The following STARD6 variants were observed in gnomAD, a reference collection of about 807,000 sequenced individuals.
STARD6 encodes StAR related lipid transfer domain containing 6.
A neutral mutation model predicts 22.3 loss-of-function variants in STARD6; 21 were observed. The observed-to-expected ratio is 0.94, with a 90% CI of 0.67 to 1.35. The LOEUF is 1.35. STARD6 is among the 40% of genes most tolerant of loss of function. STARD6 has a pLI of 0.00. For missense variants in STARD6, 269 were observed against 266.9 expected (o/e 1.01, Z -0.05); for synonymous variants, 80 against 88.1 (o/e 0.91, Z 0.52).
rs55736082 is a variant in STARD6, at chr18:54,344,583, TAAAAA to T, written c.141-7337_141-7333del. On this transcript the variant is annotated intron_variant, in intron 4 of 7. Transcript: ENST00000307844. ...AAGAATTATCAATAAAAAAATAAAT[TAAAAA>T]AAAAAAAAAAAAAGAAAATAAAACT... is the stretch of plus-strand genomic sequence containing the variant. 1.6e-4 allele frequency among the ~76,000 whole-genome samples: 15 copies of T among 94,094 alleles called. 1 individual carries two copies. Among genetic ancestry groups the T allele is most frequent in the Non-Finnish European group, 2.9e-4 (14 of 47,782 alleles). 61.7% of individuals were successfully genotyped at this position (94,094 alleles called of 152,430 possible).
chr18:54,336,517 G>C (rs978136125), intron 5 of STARD6, among the ~76,000 whole-genome samples: 3 of 152,144 alleles, frequency 2.0e-5, no homozygotes, highest in African/African-American at 7.2e-5. Context: ...AAATTACCCA[G>C]TCTTGGGTAT....
intron 4 of STARD6, 82 bp downstream of exon 4, chr18:54,353,972 C>G: frequency 1.3e-6 from 1 of 766,454 alleles, no homozygotes; most frequent in African/African-American, 1.8e-5. Context: ...TTTATTATAG[C>G]TAATGAAGCA....
At chr18:54,333,372 C>CTGCAGTGAGCTTGCCAT (rs1399445629) in intron 5 of STARD6, among the ~76,000 whole-genome samples, 1 of 152,170 alleles carries the variant, frequency 6.6e-6, no homozygotes, top group South Asian at 2.1e-4. Flanking sequence ...TGGCGTGAAC[C>CTGCAGTGAGCTTGCCAT]TGGGAGGCGG....
At position 54,354,525 on chromosome 18, in the gene STARD6, A is replaced by G; in HGVS notation, c.49T>C (p.Tyr17His). 6.2e-7 allele frequency: 1 copy of G among 1,613,432 alleles called. No individual in the cohort carries two copies. Among genetic ancestry groups the G allele is most frequent in the Non-Finnish European group, 8.5e-7 (1 of 1,179,658 alleles). Residue 17 changes from tyrosine to histidine, a missense_variant, in exon 3 of 8, where the codon TAT (tyrosine) becomes CAT (histidine). Tyr to His is a moderately conservative substitution (Grantham distance 83). Coordinates refer to ENST00000307844, the MANE Select transcript of STARD6 (RefSeq NM_139171.2). ...AQQTAQEVLG[Y>H]NRDTSGWKVV... ...TTCCAGCCTGATGTATCTCGATTAT[A>G]ACCTAAAACTTCTTGGGCAGTTTGT...
chr18:54,327,373 G>A (rs1352202796), intron 7 of STARD6, among the ~76,000 whole-genome samples: 4 of 151,928 alleles, frequency 2.6e-5, no homozygotes, highest in African/African-American at 9.7e-5. Flanking sequence ...TTTTTACAGA[G>A]AATTAGGATG....
chr18:54,338,593 T>C (rs1192034005), intron 4 of STARD6, among the ~76,000 whole-genome samples: 1 of 151,808 alleles, frequency 6.6e-6, no homozygotes, highest in Non-Finnish European at 1.5e-5. Flanking sequence ...ATGGAGTCAG[T>C]ATCCAGAGTT....
intron 4 of STARD6, among the ~76,000 whole-genome samples, chr18:54,342,360 A>G (rs181804550): frequency 6.6e-6 from 1 of 152,300 alleles, no homozygotes; most frequent in East Asian, 1.9e-4. Flanking sequence ...AGAGGAGGAA[A>G]CATTTCCCAA....
chr18:54,324,529 CAACTAT>C lies in STARD6; in HGVS notation c.*157_*162del. The C allele has an allele frequency of 1.8e-6, 1 of 559,050 alleles. No individual in the cohort carries two copies. The allele number at this position is 559,050 out of a possible 1,614,324, so 34.6% of individuals were successfully genotyped here. ...CGGTATTTAATGCCATATTCTTGTA[CAACTAT>C]GAGTTCTTATTTTTATGAACTATCT... is the stretch of plus-strand genomic sequence containing the variant. On this transcript the variant is annotated 3_prime_UTR_variant, in exon 8 of 8. Coordinates refer to ENST00000307844, the MANE Select transcript of STARD6 (RefSeq NM_139171.2).
At chr18:54,343,530 G>A (rs1337792630) in intron 4 of STARD6, among the ~76,000 whole-genome samples, 9 of 77,224 alleles carry the variant, frequency 1.2e-4, no homozygotes, top group Non-Finnish European at 1.6e-4. Flanking sequence ...CAGCCGCCCC[G>A]TCCGGGAGGG....
intron 7 of STARD6, among the ~76,000 whole-genome samples, chr18:54,325,316 T>C (rs2088816518): frequency 6.6e-6 from 1 of 152,250 alleles, no homozygotes; most frequent in African/African-American, 2.4e-5. Flanking sequence ...ATAAATATAG[T>C]TTTATTTTTT....
chr18:54,326,380 G>A (rs372186729), intron 7 of STARD6, among the ~76,000 whole-genome samples: 280 of 147,452 alleles, frequency 1.9e-3, no homozygotes, highest in African/African-American at 6.7e-3. Context: ...CACCCAGGCT[G>A]GAGTGCCGTG....
chr18:54,354,096 A>C lies in STARD6; in HGVS notation c.98T>G (p.Ile33Arg). ...GWKVVKTSKK[I>R]TVSSKASRKF... Reference sequence around the variant, plus strand: ...TCTAGAAGCCTTACTGGAAACAGTTATCTTTTTCTCAAAGGGGAATAAAAA... The same window carrying C: ...TCTAGAAGCCTTACTGGAAACAGTTCTCTTTTTCTCAAAGGGGAATAAAAA... The change falls in exon 4 of 8, where the codon ATA becomes AGA. Residue 33 changes from isoleucine to arginine, a missense_variant. Coordinates refer to ENST00000307844, the MANE Select transcript of STARD6 (RefSeq NM_139171.2). The C allele has an allele frequency of 6.4e-7, 1 of 1,561,194 alleles. No homozygotes were observed. Among genetic ancestry groups the C allele is most frequent in the East Asian group, 2.3e-5 (1 of 42,886 alleles).
chr18:54,337,138 T>C lies in STARD6; in HGVS notation c.254A>G (p.His85Arg). The stretch of plus-strand genomic sequence containing the variant: ...ACAACAAATTACCGAATCAATCCTG[T>C]GTACCATATTATACACTTGCAATGA... ...DKSLQVYNMV[H>R]RIDSDTFICH... Residue 85 changes from histidine (H) to arginine (R), a missense_variant, in exon 5 of 8, where the codon CAC becomes CGC. Physicochemically the swap from His to Arg is conservative, Grantham distance 29. Coordinates refer to ENST00000307844, the MANE Select transcript of STARD6 (RefSeq NM_139171.2). 1 of 1,611,122 alleles carries C rather than the reference T, an allele frequency of 6.2e-7. No individual in the cohort carries two copies.
rs867404149 is a variant in STARD6 at position 54,344,444 on chromosome 18, C to T, written c.141-7193G>A. On this transcript the variant is annotated intron_variant, in intron 4 of 7. Coordinates refer to ENST00000307844, the MANE Select transcript of STARD6 (RefSeq NM_139171.2). ...CAGGGACACAAACACTGCGGAAGGC[C>T]GCAGGGTCCTCTGCCTAGGAAAACC... 6.8e-5 allele frequency among the ~76,000 whole-genome samples: 6 copies of T among 88,202 alleles called. No individual in the cohort carries two copies. The East Asian group carries it at 8.0e-4, about 12-fold the overall frequency. 57.9% of individuals were successfully genotyped at this position (88,202 alleles called of 152,430 possible).
rs199818319 is a variant in STARD6 at position 54,324,648 on chromosome 18, A to G, written c.*44T>C. 1.0e-5 allele frequency: 16 copies of G among 1,586,150 alleles called. No homozygotes were observed. In the East Asian group the frequency reaches 1.3e-4, roughly 13 times the overall value. ...TTAGAAGTAAACAGCAATAACTACT[A>G]CACATGATTTTATAGCAGAACGGCC... On this transcript the variant is annotated 3_prime_UTR_variant, in exon 8 of 8. Coordinates refer to ENST00000307844, the MANE Select transcript of STARD6 (RefSeq NM_139171.2).
At chr18:54,325,832 G>A (rs2088820564) in intron 7 of STARD6, among the ~76,000 whole-genome samples, 1 of 152,082 alleles carries the variant, frequency 6.6e-6, no homozygotes, top group South Asian at 2.1e-4. Flanking sequence ...TTACAGGTGT[G>A]ACCCACCTCA....
intron 1 of STARD6, chr18:54,357,248 C>T (rs1163021642): frequency 2.0e-5 from 3 of 152,212 alleles, no homozygotes; most frequent in Admixed American, 6.5e-5. Flanking sequence ...TGAGTCTTTA[C>T]ATCTGTTTGT....
At chr18:54,342,450 TCC>T (rs1555681165) in intron 4 of STARD6, among the ~76,000 whole-genome samples, 1 of 125,866 alleles carries the variant, frequency 7.9e-6, no homozygotes, top group Non-Finnish European at 1.7e-5. Context: ...CCTCTCCCTC[TCC>T]CTCTCCCTCT....
intron 4 of STARD6, among the ~76,000 whole-genome samples, chr18:54,343,436 C>G (rs1279101634): frequency 7.5e-6 from 1 of 133,892 alleles, no homozygotes; most frequent in African/African-American, 2.9e-5. Flanking sequence ...CAGCCCCCTG[C>G]CCGGCCAGCC....
Sources: allele counts gnomAD v4.1 joint callset (sites outside exome capture counted in the v4.1 genomes callset), GRCh38; gene constraint gnomAD v4.1.1; transcripts MANE v1.5; gene names NCBI Gene and HGNC (gene_info 2026-07-23, HGNC 2026-07-21).